Variants in ERGIC1 observed in about 807,000 individuals in gnomAD.
ERGIC1 encodes the protein endoplasmic reticulum-golgi intermediate compartment 1, also known as endoplasmic reticulum-Golgi intermediate compartment protein 1.
Under a neutral mutation model 38.3 loss-of-function variants are expected in ERGIC1, and 19 were observed. That is an observed-to-expected ratio of 0.50 (90% CI 0.35 to 0.73). The LOEUF (loss-of-function observed/expected upper bound fraction) is 0.73, where lower values mean the gene tolerates loss of function less well. ERGIC1 is among the 30% of genes least tolerant of loss of function. The pLI, the probability that ERGIC1 is intolerant of heterozygous loss-of-function variation, is 0.01. For missense variants in ERGIC1, 294 were observed against 389.2 expected, an observed-to-expected ratio of 0.76 and a Z score of 2.06; for synonymous variants, 124 against 157.6, an observed-to-expected ratio of 0.79 and a Z score of 1.60.
chr5:172,905,541 G>A (rs773881819), intron 3 of ERGIC1: 18 of 436,778 alleles, frequency 4.1e-5, no homozygotes, highest in Non-Finnish European at 7.0e-5. Flanking sequence ...AGCGACTAGT[G>A]TGCAGCTCAT....
chr5:172,929,446 A>G (rs1048869747), intron 7 of ERGIC1, among the ~76,000 whole-genome samples: 1 of 152,204 alleles, frequency 6.6e-6, no homozygotes, highest in Non-Finnish European at 1.5e-5. Context: ...AGCAGTCTCT[A>G]GGAATGGTCA....
intron 1 of ERGIC1, among the ~76,000 whole-genome samples, chr5:172,862,803 C>T (rs957822157): frequency 2.0e-5 from 3 of 152,166 alleles, no homozygotes; most frequent in African/African-American, 7.2e-5. Context: ...TTTTAAAAAG[C>T]TTGCATAGAT....
chr5:172,842,409 A>G (rs1283800444), intron 1 of ERGIC1, among the ~76,000 whole-genome samples: 1 of 152,246 alleles, frequency 6.6e-6, no homozygotes, highest in African/African-American at 2.4e-5. Context: ...ATATATACCA[A>G]TATTTACCCA....
chr5:172,920,280 T>C (rs928258434), intron 5 of ERGIC1: 11 of 715,980 alleles, frequency 1.5e-5, no homozygotes, highest in Non-Finnish European at 2.6e-5. Flanking sequence ...TGTGCTGTGA[T>C]GGCAAGGTCA....
chr5:172,912,458 G>GC (rs1300574061), intron 4 of ERGIC1, among the ~76,000 whole-genome samples: 1 of 152,216 alleles, frequency 6.6e-6, no homozygotes, highest in African/African-American at 2.4e-5. Context: ...CGCGATCTTA[G>GC]CTCACTGCAA....
At position 172,837,969 on chromosome 5, in the gene ERGIC1, A is replaced by G. The variant is rs1181243131; in HGVS notation, c.20+3536A>G. ...TGCCCAGGCCCAGTGGTGCCTGAGC[A>G]CTGCCTTCCGGGAGGTGCAGGTGGC... On this transcript the variant is annotated intron_variant, in intron 1 of 9. Transcript: ENST00000393784. This position sits in a 1 kb window ranked among gnomAD's most constrained non-coding sequence, Gnocchi z 4.3. Among the ~76,000 whole-genome samples the G allele has an allele frequency of 6.6e-6, 1 of 152,150 alleles. No individual in the cohort carries two copies. Among genetic ancestry groups the G allele is most frequent in the Non-Finnish European group, 1.5e-5 (1 of 68,028 alleles).
At chr5:172,885,690 T>C (rs1762399731) in intron 1 of ERGIC1, among the ~76,000 whole-genome samples, 1 of 152,038 alleles carries the variant, frequency 6.6e-6, no homozygotes, top group Non-Finnish European at 1.5e-5. Flanking sequence ...ACGAGACCCC[T>C]CCCGCTGCAG....
chr5:172,905,288 T>C, intron 3 of ERGIC1: 1 of 311,650 alleles, frequency 3.2e-6, no homozygotes. Flanking sequence ...CCCAGCAATT[T>C]CATTACTCAA....
chr5:172,910,644 C>T (rs1763182986), intron 4 of ERGIC1, among the ~76,000 whole-genome samples: 1 of 151,684 alleles, frequency 6.6e-6, no homozygotes, highest in African/African-American at 2.4e-5. Context: ...TCTGCCTCAG[C>T]CTCCCGAGTA....
intron 1 of ERGIC1, among the ~76,000 whole-genome samples, chr5:172,845,349 T>A (rs1761260822): frequency 6.6e-6 from 1 of 152,112 alleles, no homozygotes; most frequent in African/African-American, 2.4e-5. Context: ...GGCGAGAGAT[T>A]ATGCTGAGCC....
At chr5:172,932,172 T>C (rs946989371) in intron 7 of ERGIC1, among the ~76,000 whole-genome samples, 4 of 152,182 alleles carry the variant, frequency 2.6e-5, no homozygotes, top group Admixed American at 6.5e-5. Context: ...ACTCACTCTT[T>C]CATGGTTGCT....
chr5:172,915,635 C>G (rs933783236), intron 5 of ERGIC1: 2 of 471,012 alleles, frequency 4.2e-6, no homozygotes, highest in East Asian at 6.9e-5. Flanking sequence ...CCTCGAAGCT[C>G]GGTACTGTCA....
intron 9 of ERGIC1, among the ~76,000 whole-genome samples, chr5:172,948,309 A>T (rs1016089559): frequency 6.6e-6 from 1 of 152,192 alleles, no homozygotes; most frequent in African/African-American, 2.4e-5. Flanking sequence ...TTAAAAAAAT[A>T]AACACTGGTT....
At chr5:172,903,230 C>T (rs1241363906) in intron 3 of ERGIC1, among the ~76,000 whole-genome samples, 8 of 152,196 alleles carry the variant, frequency 5.3e-5, no homozygotes, top group African/African-American at 1.9e-4. Context: ...AGGGAGCCCT[C>T]GTCCTGGGGG....
chr5:172,918,686 G>A (rs978167029), intron 5 of ERGIC1, among the ~76,000 whole-genome samples: 5 of 152,230 alleles, frequency 3.3e-5, no homozygotes, highest in Non-Finnish European at 7.3e-5. Flanking sequence ...GGCCGCTGCA[G>A]GAGCCACGTC....
At chr5:172,921,026 G>T (rs1415736812) in intron 5 of ERGIC1, among the ~76,000 whole-genome samples, 2 of 152,186 alleles carry the variant, frequency 1.3e-5, no homozygotes, top group South Asian at 4.1e-4. Flanking sequence ...TCCCTCTTCC[G>T]GGAGGGCCCT....
chr5:172,863,123 G>C (rs1355850588), intron 1 of ERGIC1, among the ~76,000 whole-genome samples: 2 of 152,294 alleles, frequency 1.3e-5, no homozygotes, highest in East Asian at 3.9e-4. Flanking sequence ...GCTAATTTTT[G>C]TATTTTTAGT....
At chr5:172,914,931 C>A (rs759655765) in intron 5 of ERGIC1, 93 bp downstream of exon 5, 2 of 1,567,516 alleles carry the variant, frequency 1.3e-6, no homozygotes, top group Non-Finnish European at 1.7e-6. Flanking sequence ...ACTCACTCGA[C>A]CTGACCCTGA....
intron 9 of ERGIC1, among the ~76,000 whole-genome samples, chr5:172,944,532 T>C (rs1300888586): frequency 6.6e-6 from 1 of 152,202 alleles, no homozygotes; most frequent in Non-Finnish European, 1.5e-5. Context: ...CTAATTTTTG[T>C]ATTTTTAGTA....
Sources: gnomAD v4.1 joint callset for allele counts (sites outside exome capture counted in the v4.1 genomes callset) on GRCh38, gnomAD v4.1.1 for gene constraint, Gnocchi (gnomAD v3.1) non-coding constraint, MANE v1.5 for transcripts, NCBI Gene and HGNC (gene_info 2026-07-23, HGNC 2026-07-21) for gene names.